COL4A2: variants seen among roughly 807,000 people sequenced by gnomAD.
COL4A2 encodes the protein collagen type IV alpha 2 chain, also known as collagen alpha-2(IV) chain.
In COL4A2, 99 loss-of-function variants were observed where a neutral mutation model predicts 200.2. That is an observed-to-expected ratio of 0.49 (90% CI 0.42 to 0.58). The LOEUF is 0.58. COL4A2 is among the 20% of genes least tolerant of loss of function. The pLI is 0.00. For missense variants in COL4A2, 1,950 were observed against 2,314.1 expected, an observed-to-expected ratio of 0.84 and a Z score of 3.23; for synonymous variants, 897 against 900.6, an observed-to-expected ratio of 1.00 and a Z score of 0.07.
At chr13:110,359,146 G>T (rs1335694380) in intron 4 of COL4A2, among the ~76,000 whole-genome samples, 1 of 152,108 alleles carries the variant, frequency 6.6e-6, no homozygotes, top group African/African-American at 2.4e-5. Flanking sequence ...CTTTGATGTG[G>T]TCCGTCTGAT....
At chr13:110,426,288 G>C (rs1261855586) in intron 6 of COL4A2, among the ~76,000 whole-genome samples, 3 of 152,150 alleles carry the variant, frequency 2.0e-5, no homozygotes, top group Admixed American at 2.0e-4. Flanking sequence ...TCTGTACCAA[G>C]TTTCCTTCAT....
intron 47 of COL4A2, among the ~76,000 whole-genome samples, chr13:110,510,669 CCATGTGTGTG>C (rs1365375374): frequency 6.6e-6 from 1 of 152,150 alleles, no homozygotes; most frequent in African/African-American, 2.4e-5. Flanking sequence ...TGAGTGTACA[CCATGTGTGTG>C]CATGTGTGCA....
intron 4 of COL4A2, among the ~76,000 whole-genome samples, chr13:110,375,544 G>C (rs1878198990): frequency 6.6e-6 from 1 of 152,132 alleles, no homozygotes; most frequent in South Asian, 2.1e-4. Flanking sequence ...TTAAATTTTT[G>C]ACAGAGCCGG....
rs1439662243 is a variant in COL4A2, at chr13:110,424,814, A to G, written c.261A>G (p.Lys87=). The part of the protein sequence containing the change: ...LQGFPGLQGR[K]GDKGERGAPG... The stretch of plus-strand genomic sequence containing the variant: ...GATTCCCGGGACTGCAGGGACGTAA[A>G]GGAGACAAGGGTGAAAGGGGAGCCC... Residue 87 remains lysine, a synonymous_variant, in exon 5 of 48, where the codon AAA becomes AAG. Coordinates refer to ENST00000360467, the MANE Select transcript of COL4A2 (RefSeq NM_001846.4). 6.2e-7 allele frequency: 1 copy of G among 1,614,060 alleles called. No homozygotes were observed. Among genetic ancestry groups the G allele is most frequent in the Non-Finnish European group, 8.5e-7 (1 of 1,179,934 alleles).
At chr13:110,467,275 A>G (rs180875894) in intron 27 of COL4A2, among the ~76,000 whole-genome samples, 179 bp downstream of exon 27, 29 of 152,314 alleles carry the variant, frequency 1.9e-4, no homozygotes, top group African/African-American at 6.3e-4. Flanking sequence ...ATTTGCCACT[A>G]TAGAAAAAGG....
At chr13:110,505,218 C>T (rs540682610) in intron 45 of COL4A2, among the ~76,000 whole-genome samples, 19 of 152,012 alleles carry the variant, frequency 1.2e-4, no homozygotes, top group South Asian at 4.2e-4. Flanking sequence ...GGCGTGGTGG[C>T]GGGCGCCAGT....
intron 4 of COL4A2, among the ~76,000 whole-genome samples, chr13:110,383,828 T>C (rs1037904298): frequency 3.3e-5 from 5 of 152,076 alleles, no homozygotes; most frequent in African/African-American, 1.2e-4. Flanking sequence ...GCTAGGCTGG[T>C]CTCGAACGCC....
At chr13:110,407,143 C>G (rs1207187371) in intron 4 of COL4A2, among the ~76,000 whole-genome samples, 2 of 152,214 alleles carry the variant, frequency 1.3e-5, no homozygotes, top group South Asian at 4.1e-4. Flanking sequence ...TATTTACTTG[C>G]ATTGACCATG....
chr13:110,376,052 T>C (rs1878224603), intron 4 of COL4A2, among the ~76,000 whole-genome samples: 1 of 152,178 alleles, frequency 6.6e-6, no homozygotes, highest in South Asian at 2.1e-4. Context: ...AATCACAGTG[T>C]CTATTTCAGC....
intron 37 of COL4A2, among the ~76,000 whole-genome samples, chr13:110,491,658 CT>C (rs1443664085): frequency 6.6e-6 from 1 of 152,138 alleles, no homozygotes; most frequent in Non-Finnish European, 1.5e-5. Flanking sequence ...GCAGAAACCC[CT>C]ATGAACATCC....
intron 29 of COL4A2, among the ~76,000 whole-genome samples, chr13:110,475,015 TAC>T (rs1011737270): frequency 2.1e-5 from 3 of 144,112 alleles, no homozygotes; most frequent in Non-Finnish European, 1.5e-5. Flanking sequence ...CGTACACTCA[TAC>T]ACACACGTAC....
Position 110,429,898 on chromosome 13 carries a change from C to G in COL4A2, c.491C>G (p.Pro164Arg). Residue 164 changes from proline to arginine, a missense_variant, in exon 8 of 48, where the codon CCA becomes CGA. By Grantham distance (103) the Pro-to-Arg change is moderately radical (BLOSUM62 -2). This residue lies in a region of COL4A2 where 565 missense variants were observed against 593.5 expected (regional missense o/e 0.95). Coordinates refer to ENST00000360467, the MANE Select transcript of COL4A2 (RefSeq NM_001846.4). ...GFTGPPGPQG[P>R]KGQKGEPYAL... ...TCTGCTAATTAGGGGCCCCAAGGAC[C>G]AAAAGGGCAGAAAGGTGAGCCTTAT... The G allele has an allele frequency of 1.2e-6, 2 of 1,612,766 alleles. No individual in the cohort carries two copies. Among genetic ancestry groups the G allele is most frequent in the Non-Finnish European group, 1.7e-6 (2 of 1,179,584 alleles).
chr13:110,377,740 A>G lies in COL4A2; in HGVS notation c.180+20188A>G, dbSNP rs367893044. On this transcript the variant is annotated intron_variant, in intron 4 of 47. Transcript: ENST00000360467. ...TAACCTTGGTGAAACAATACTAAAA[A>G]TAGAGATAATAGAAAAACATGTTAA... Among the ~76,000 whole-genome samples, 101 of 152,358 alleles carry G rather than the reference A, an allele frequency of 6.6e-4. 1 individual carries two copies. In the South Asian group the frequency reaches 0.016, roughly 24 times the overall value.
chr13:110,468,878 G>A (rs1882353638), intron 27 of COL4A2, among the ~76,000 whole-genome samples: 1 of 152,180 alleles, frequency 6.6e-6, no homozygotes, highest in South Asian at 2.1e-4. Flanking sequence ...TTACAGGTGA[G>A]GAAACTGAGG....
At chr13:110,409,195 A>G (rs1594197974) in intron 4 of COL4A2, among the ~76,000 whole-genome samples, 1 of 152,316 alleles carries the variant, frequency 6.6e-6, no homozygotes, top group South Asian at 2.1e-4. Flanking sequence ...ACGCACATAT[A>G]CACATGCACA....
intron 4 of COL4A2, among the ~76,000 whole-genome samples, chr13:110,391,178 C>T (rs1440245949): frequency 6.6e-6 from 1 of 152,200 alleles, no homozygotes; most frequent in Non-Finnish European, 1.5e-5. Context: ...TTCCAGAATG[C>T]TGGATTGGCT....
At chr13:110,366,642 G>A (rs148060724) in intron 4 of COL4A2, among the ~76,000 whole-genome samples, 56 of 152,282 alleles carry the variant, frequency 3.7e-4, no homozygotes, top group South Asian at 8.3e-4. Context: ...GCTGCATGCA[G>A]TGGGTACCCC....
At chr13:110,315,535 A>C (rs1035273877) in intron 3 of COL4A2, among the ~76,000 whole-genome samples, 1 of 152,154 alleles carries the variant, frequency 6.6e-6, no homozygotes, top group African/African-American at 2.4e-5. Flanking sequence ...AGCTGGGATT[A>C]CAGGCACGAG....
rs754359533 is a variant in COL4A2, at chr13:110,506,469, T to C, written c.4457T>C (p.Val1486Ala). The C allele has an allele frequency of 1.2e-6, 2 of 1,613,014 alleles. No homozygotes were observed. Among genetic ancestry groups the C allele is most frequent in the Non-Finnish European group, 1.7e-6 (2 of 1,179,814 alleles). The change falls in exon 46 of 48, where the codon GTC (valine) becomes GCC (alanine). Residue 1486 changes from valine to alanine, a missense_variant. By Grantham distance (64) the Val-to-Ala change is moderately conservative. Coordinates refer to ENST00000360467, the MANE Select transcript of COL4A2 (RefSeq NM_001846.4). ...PGLPGMPGRSVSIGYLLVKHS... is the reference protein window; with the variant it reads ...PGLPGMPGRSASIGYLLVKHS... Reference sequence around the variant, plus strand: ...CTGCCGGGTATGCCAGGCCGCAGCGTCAGCATCGGCTACCTCCTGGTGAAG... The same window carrying C: ...CTGCCGGGTATGCCAGGCCGCAGCGCCAGCATCGGCTACCTCCTGGTGAAG...
Sources: allele counts gnomAD v4.1 joint callset (sites outside exome capture counted in the v4.1 genomes callset), GRCh38; gene constraint gnomAD v4.1.1; regional missense constraint gnomAD v4.1.1; transcripts MANE v1.5; gene names NCBI Gene and HGNC (gene_info 2026-07-23, HGNC 2026-07-21).